The following CDH12 variants were observed in gnomAD, a reference collection of about 807,000 sequenced individuals.
CDH12 encodes cadherin-12.
CDH12 carries 41 observed loss-of-function variants against 74.1 expected under a neutral mutation model. The observed-to-expected ratio is 0.55, with a 90% CI of 0.43 to 0.72. CDH12 has a LOEUF of 0.72. Among genes scored for constraint, CDH12 ranks in the 30% least tolerant of loss-of-function variants. CDH12 has a pLI of 0.00. For missense variants in CDH12, 945 were observed against 977.2 expected, an observed-to-expected ratio of 0.97 and a Z score of 0.44; for synonymous variants, 399 against 355.0, an observed-to-expected ratio of 1.12 and a Z score of -1.39.
chr5:22,024,101 T>C (rs1218925438), intron 5 of CDH12, among the ~76,000 whole-genome samples: 1 of 152,164 alleles, frequency 6.6e-6, no homozygotes, highest in African/African-American at 2.4e-5. Context: ...AATGTATTAA[T>C]CAAATGGAGG....
chr5:22,491,472 T>C (rs1746860233), intron 2 of CDH12, among the ~76,000 whole-genome samples: 1 of 151,878 alleles, frequency 6.6e-6, no homozygotes, highest in Non-Finnish European at 1.5e-5. Context: ...ATTAGTTAAC[T>C]AGGATTGCCA....
chr5:22,042,889 C>CAAAAGAAAAAAAAAAAAAAAAAAAAAA (rs1561050776), intron 5 of CDH12, among the ~76,000 whole-genome samples: 1 of 56,066 alleles, frequency 1.8e-5, no homozygotes. Flanking sequence ...GATTCTATCT[C>CAAAAGAAAAAAAAAAAAAAAAAAAAAA]AAAAAAAAAA....
intron 1 of CDH12, among the ~76,000 whole-genome samples, chr5:22,830,193 C>A (rs1183985280): frequency 6.6e-6 from 1 of 151,998 alleles, no homozygotes; most frequent in Non-Finnish European, 1.5e-5. Context: ...TCATGTGAAT[C>A]ACAAGACAAA....
intron 3 of CDH12, among the ~76,000 whole-genome samples, chr5:22,344,222 T>C (rs1480838145): frequency 6.6e-6 from 1 of 152,216 alleles, no homozygotes; most frequent in African/African-American, 2.4e-5. Context: ...ATAGTTACCA[T>C]ATACATTTTC....
intron 8 of CDH12, among the ~76,000 whole-genome samples, chr5:21,838,882 T>C (rs77510084): frequency 0.013 from 1,985 of 152,284 alleles, 42 homozygotes; most frequent in African/African-American, 0.045. Flanking sequence ...CCTTCATCCA[T>C]ACCCACATGG....
chr5:21,893,015 GTTTGCC>G (rs1435457383), intron 6 of CDH12, among the ~76,000 whole-genome samples: 1 of 152,090 alleles, frequency 6.6e-6, no homozygotes, highest in Non-Finnish European at 1.5e-5. Context: ...AGTACATCAC[GTTTGCC>G]TTTGATCCCC....
At chr5:22,030,914 A>G (rs757191482) in intron 5 of CDH12, among the ~76,000 whole-genome samples, 7 of 152,164 alleles carry the variant, frequency 4.6e-5, no homozygotes, top group Non-Finnish European at 1.0e-4. Flanking sequence ...GCGATTACTT[A>G]CTTCCTTAAA....
intron 3 of CDH12, among the ~76,000 whole-genome samples, chr5:22,233,588 G>A (rs1752463303): frequency 6.6e-6 from 1 of 152,112 alleles, no homozygotes; most frequent in African/African-American, 2.4e-5. Context: ...CAATATTAAT[G>A]TGAGTGATCA....
At chr5:22,719,489 C>T (rs1370062158) in intron 1 of CDH12, among the ~76,000 whole-genome samples, 3 of 152,082 alleles carry the variant, frequency 2.0e-5, no homozygotes, top group South Asian at 2.1e-4. Flanking sequence ...GTCATGAGGA[C>T]GTGAATGCAT....
At chr5:22,843,171 A>C (rs753329268) in intron 1 of CDH12, among the ~76,000 whole-genome samples, 2 of 152,046 alleles carry the variant, frequency 1.3e-5, no homozygotes, top group Non-Finnish European at 2.9e-5. Context: ...TGGGAAGGAA[A>C]ATATAGTAAT....
At chr5:22,840,742 C>A (rs1581053011) in intron 1 of CDH12, among the ~76,000 whole-genome samples, 1 of 151,930 alleles carries the variant, frequency 6.6e-6, no homozygotes, top group South Asian at 2.1e-4. Flanking sequence ...AAAACGTAGA[C>A]CAGGATAAGG....
intron 6 of CDH12, among the ~76,000 whole-genome samples, chr5:21,929,863 A>C (rs1318504985): frequency 6.6e-6 from 1 of 152,094 alleles, no homozygotes; most frequent in African/African-American, 2.4e-5. Context: ...TTTCCTACAG[A>C]TATATGTCCT....
chr5:22,296,959 T>G (rs953339341), intron 3 of CDH12, among the ~76,000 whole-genome samples: 1 of 150,814 alleles, frequency 6.6e-6, no homozygotes, highest in Non-Finnish European at 1.5e-5. Context: ...AAAACAGTTA[T>G]CACACATATT....
At chr5:22,591,876 G>T (rs1736345201) in intron 1 of CDH12, among the ~76,000 whole-genome samples, 1 of 152,206 alleles carries the variant, frequency 6.6e-6, no homozygotes, top group Non-Finnish European at 1.5e-5. Flanking sequence ...TAATGTTCTA[G>T]CTAAACTTTG....
In CDH12 at chr5:22,529,966, C is replaced by A. The variant is rs79912225; in HGVS notation, c.-522-24602G>T. Among the ~76,000 whole-genome samples the A allele has an allele frequency of 2.6e-4, 40 of 152,174 alleles. No homozygotes were observed. The East Asian group carries it at 7.4e-3, about 28-fold the overall frequency. On this transcript the variant is annotated intron_variant, in intron 1 of 14. Coordinates refer to ENST00000382254, the MANE Select transcript of CDH12 (RefSeq NM_004061.5). ...ACAGTACACTGAGTACACTGAGATA[C>A]CTCAACAGCAAAACAGAATATTAAA...
At chr5:21,871,782 C>T (rs904750236) in intron 6 of CDH12, among the ~76,000 whole-genome samples, 4 of 152,056 alleles carry the variant, frequency 2.6e-5, no homozygotes, top group African/African-American at 9.7e-5. Context: ...TCTCTGTTCT[C>T]CTGCACCACG....
In CDH12 at chr5:22,571,734, A is replaced by G. The variant is rs540135297; in HGVS notation, c.-522-66370T>C. Among the ~76,000 whole-genome samples the G allele has an allele frequency of 1.4e-4, 22 of 152,278 alleles. No individual in the cohort carries two copies. In the South Asian group the frequency reaches 1.7e-3, roughly 11 times the overall value. On this transcript the variant is annotated intron_variant, in intron 1 of 14. Transcript: ENST00000382254. The stretch of plus-strand genomic sequence containing the variant: ...TAACTGACCTAATGTCAATGTTGTT[A>G]TGTCTCAGGGAATAGGAAGACCCAG...
chr5:22,629,379 A>T (rs1038368767), intron 1 of CDH12, among the ~76,000 whole-genome samples: 5 of 152,098 alleles, frequency 3.3e-5, no homozygotes, highest in Non-Finnish European at 5.9e-5. Context: ...ATACTAGCAA[A>T]CTGAATCCAG....
chr5:22,523,504 T>C (rs1737137297), intron 1 of CDH12, among the ~76,000 whole-genome samples: 1 of 152,198 alleles, frequency 6.6e-6, no homozygotes, highest in Admixed American at 6.5e-5. Flanking sequence ...TAATTTTAAT[T>C]TCCTCCTCAA....
Sources: gnomAD v4.1 joint callset for allele counts (sites outside exome capture counted in the v4.1 genomes callset) on GRCh38, gnomAD v4.1.1 for gene constraint, MANE v1.5 for transcripts, NCBI Gene and HGNC (gene_info 2026-07-23, HGNC 2026-07-21) for gene names.